The following COL25A1 variants were observed in gnomAD, a reference collection of about 807,000 sequenced individuals.
The protein encoded by COL25A1 is collagen type XXV alpha 1 chain.
Under a neutral mutation model 128.4 loss-of-function variants are expected in COL25A1, and 103 were observed. The ratio of observed to expected loss-of-function variants is 0.80; its 90% CI spans 0.68 to 0.94. The LOEUF is 0.94. Among genes scored for constraint, COL25A1 ranks in the 40% least tolerant of loss-of-function variants. The pLI, the probability that COL25A1 is intolerant of heterozygous loss-of-function variation, is 0.00. For missense variants in COL25A1, 745 were observed against 840.0 expected (o/e 0.89, Z 1.40); for synonymous variants, 279 against 277.2 (o/e 1.01, Z -0.06).
intron 3 of COL25A1, among the ~76,000 whole-genome samples, chr4:109,138,225 G>A (rs1770001428): frequency 6.6e-6 from 1 of 152,136 alleles, no homozygotes; most frequent in Non-Finnish European, 1.5e-5. Context: ...TTATGAATGA[G>A]AACACTTGGT....
intron 3 of COL25A1, among the ~76,000 whole-genome samples, chr4:109,113,922 G>A (rs928254343): frequency 6.6e-6 from 1 of 151,964 alleles, no homozygotes; most frequent in Non-Finnish European, 1.5e-5. Context: ...ATTATATAAT[G>A]AAGATGAAAA....
chr4:109,185,077 T>C (rs1441932621), intron 3 of COL25A1, among the ~76,000 whole-genome samples: 3 of 152,186 alleles, frequency 2.0e-5, no homozygotes, highest in Admixed American at 1.3e-4. Flanking sequence ...AAGAATATTG[T>C]TAAGGTTGAA....
chr4:109,204,075 T>A (rs1331023155), intron 3 of COL25A1, among the ~76,000 whole-genome samples: 1 of 152,144 alleles, frequency 6.6e-6, no homozygotes, highest in African/African-American at 2.4e-5. Context: ...AGCTTATTAT[T>A]AGAAATAGGA....
At chr4:108,962,280 C>T (rs1196910295) in intron 8 of COL25A1, among the ~76,000 whole-genome samples, 16 of 151,976 alleles carry the variant, frequency 1.1e-4, no homozygotes, top group East Asian at 1.9e-4. Flanking sequence ...CTCCACCTCC[C>T]GGGTTCAAGC....
intron 3 of COL25A1, among the ~76,000 whole-genome samples, chr4:109,247,766 G>A (rs892366365): frequency 6.6e-6 from 1 of 152,094 alleles, no homozygotes; most frequent in Non-Finnish European, 1.5e-5. Context: ...CAACTCAAAA[G>A]ATCAAAACCT....
chr4:109,137,691 G>T (rs1329982456), intron 3 of COL25A1, among the ~76,000 whole-genome samples: 2 of 152,122 alleles, frequency 1.3e-5, no homozygotes, highest in African/African-American at 4.8e-5. Context: ...TTATTTCCAT[G>T]ACATGGCTCC....
At chr4:108,945,558 T>A (rs1404933768) in intron 8 of COL25A1, among the ~76,000 whole-genome samples, 1 of 105,602 alleles carries the variant, frequency 9.5e-6, no homozygotes, top group Non-Finnish European at 2.3e-5. Flanking sequence ...TCTTAGAAAA[T>A]TTGCCTGGTA....
intron 6 of COL25A1, among the ~76,000 whole-genome samples, chr4:108,984,464 C>A (rs4956228): frequency 1.3e-5 from 2 of 152,082 alleles, no homozygotes; most frequent in Admixed American, 6.5e-5. Flanking sequence ...GGGAGGCTCC[C>A]GCCGCACAGG....
chr4:108,840,422 A>ACT (rs113667778), intron 31 of COL25A1, among the ~76,000 whole-genome samples: 629 of 152,078 alleles, frequency 4.1e-3, no homozygotes, highest in Middle Eastern at 0.01. Context: ...CTTCTGAGAT[A>ACT]GTTACTCACT....
chr4:108,902,183 T>A (rs1319773214), intron 13 of COL25A1, among the ~76,000 whole-genome samples: 3 of 152,054 alleles, frequency 2.0e-5, no homozygotes, highest in Non-Finnish European at 4.4e-5. Context: ...AAGAATTCTG[T>A]CACTTTTATA....
chr4:109,050,851 G>T (rs1201893467), intron 3 of COL25A1, among the ~76,000 whole-genome samples: 1 of 151,172 alleles, frequency 6.6e-6, no homozygotes, highest in African/African-American at 2.4e-5. Flanking sequence ...CCTTTATGAT[G>T]ATCCCATTTT....
At chr4:109,043,888 AT>A (rs1760164875) in intron 5 of COL25A1, among the ~76,000 whole-genome samples, 1 of 152,182 alleles carries the variant, frequency 6.6e-6, no homozygotes, top group Non-Finnish European at 1.5e-5. Context: ...CTGACAAATC[AT>A]TCTAGCAAAT....
chr4:108,942,455 T>TC (rs1748230199), intron 8 of COL25A1, among the ~76,000 whole-genome samples: 1 of 151,934 alleles, frequency 6.6e-6, no homozygotes, highest in Admixed American at 6.6e-5. Flanking sequence ...TTTTTTTTTT[T>TC]CTTTTTAAGA....
At chr4:109,217,466 G>A (rs548983088) in intron 3 of COL25A1, among the ~76,000 whole-genome samples, 1 of 152,206 alleles carries the variant, frequency 6.6e-6, no homozygotes, top group East Asian at 1.9e-4. Context: ...AGTCTTTTAA[G>A]TCTAAATAAC....
intron 3 of COL25A1, among the ~76,000 whole-genome samples, chr4:109,068,437 G>C (rs948771773): frequency 6.6e-6 from 1 of 152,048 alleles, no homozygotes; most frequent in African/African-American, 2.4e-5. Flanking sequence ...GGGAAGCAGG[G>C]AAGAGGAGGG....
chr4:109,178,035 T>A (rs1774257484), intron 3 of COL25A1, among the ~76,000 whole-genome samples: 1 of 152,214 alleles, frequency 6.6e-6, no homozygotes, highest in Non-Finnish European at 1.5e-5. Context: ...TAGGTTTAAG[T>A]ACAAACTGAT....
intron 3 of COL25A1, among the ~76,000 whole-genome samples, chr4:109,196,052 G>A (rs1776015539): frequency 6.6e-6 from 1 of 152,184 alleles, no homozygotes; most frequent in Admixed American, 6.5e-5. Flanking sequence ...AAGAGTAAAT[G>A]TTGTACTTTG....
At chr4:109,298,441 T>G (rs1237955976) in intron 3 of COL25A1, among the ~76,000 whole-genome samples, 1 of 152,176 alleles carries the variant, frequency 6.6e-6, no homozygotes, top group Non-Finnish European at 1.5e-5. Flanking sequence ...GGTGGGCATC[T>G]GTCCACAGGA....
chr4:109,015,241 C>T (rs1406677830), intron 5 of COL25A1, among the ~76,000 whole-genome samples: 1 of 152,184 alleles, frequency 6.6e-6, no homozygotes, highest in African/African-American at 2.4e-5. Flanking sequence ...TTGATTAATA[C>T]AAATATTTTC....
Sources: gnomAD v4.1 joint callset for allele counts (sites outside exome capture counted in the v4.1 genomes callset) on GRCh38, gnomAD v4.1.1 for gene constraint, MANE v1.5 for transcripts, NCBI Gene and HGNC (gene_info 2026-07-23, HGNC 2026-07-21) for gene names.